Variants in MYPN observed in about 807,000 individuals in gnomAD.
The protein encoded by MYPN is sarcomeric protein myopalladin, 145 kDa (MYOP).
In MYPN, 63 loss-of-function variants were observed where a neutral mutation model predicts 129.4. That is an observed-to-expected ratio of 0.49 (90% CI 0.40 to 0.60). The LOEUF (loss-of-function observed/expected upper bound fraction) is 0.60. MYPN is among the 20% of genes least tolerant of loss of function. The probability of loss-of-function intolerance (pLI) is 0.00; values close to 1 mark genes in which losing one functional copy is unlikely to be tolerated. For synonymous variants in MYPN, 629 were observed against 600.9 expected (o/e 1.05, Z -0.68); for missense variants, 1,596 against 1,635.4 (o/e 0.98, Z 0.42).
At position 68,210,484 on chromosome 10, in the gene MYPN, A is replaced by C. The variant is rs1315473600; in HGVS notation, c.*29A>C. The C allele has an allele frequency of 2.0e-5, 32 of 1,612,934 alleles. No individual in the cohort carries two copies. The highest frequency in any genetic ancestry group is 8.5e-6 in the Non-Finnish European group (10 of 1,179,726). On this transcript the variant is annotated 3_prime_UTR_variant, in exon 20 of 20. Coordinates refer to ENST00000358913, the MANE Select transcript of MYPN (RefSeq NM_032578.4). ...TGTCTAGGTACCTGCTGTGTAAGAGAGCGGACTGTGGAGGGGGAATGAGAA... is the reference window on the plus strand; with the variant it reads ...TGTCTAGGTACCTGCTGTGTAAGAGCGCGGACTGTGGAGGGGGAATGAGAA...
At chr10:68,149,565 C>A (rs960770681) in intron 5 of MYPN, among the ~76,000 whole-genome samples, 3 of 152,118 alleles carry the variant, frequency 2.0e-5, no homozygotes, top group Non-Finnish European at 4.4e-5. Context: ...TCCCAAAGTG[C>A]TAGAATTACA....
At chr10:68,178,248 A>G (rs2043258584) in intron 12 of MYPN, among the ~76,000 whole-genome samples, 1 of 152,198 alleles carries the variant, frequency 6.6e-6, no homozygotes, top group South Asian at 2.1e-4. Flanking sequence ...AACTTACAAC[A>G]AAGTGTCTTT....
In MYPN at chr10:68,174,469, A is replaced by C. The variant is rs2043194430; in HGVS notation, c.2377A>C (p.Thr793Pro). ...EPLPPGPTEP[T>P]PPPFTFSIPS... ...ACTCCCACCAGGCCCAACAGAACCA[A>C]CACCACCACCATTCACATTTTCCAT... is the stretch of plus-strand genomic sequence containing the variant. The change falls in exon 11 of 20, where the codon ACA (threonine) becomes CCA (proline). Residue 793 changes from threonine to proline, a missense_variant. Thr to Pro is a conservative substitution (Grantham distance 38). Coordinates refer to ENST00000358913, the MANE Select transcript of MYPN (RefSeq NM_032578.4). 6.2e-7 allele frequency: 1 copy of C among 1,613,940 alleles called. No homozygotes were observed. Among genetic ancestry groups the C allele is most frequent in the South Asian group, 1.1e-5 (1 of 91,068 alleles).
intron 16 of MYPN, among the ~76,000 whole-genome samples, chr10:68,197,873 A>G (rs2043637946): frequency 1.3e-5 from 2 of 152,248 alleles, no homozygotes; most frequent in Non-Finnish European, 2.9e-5. Context: ...TAACCAAGAC[A>G]GCTACTAAGT....
At chr10:68,143,777 C>T (rs886455193) in intron 3 of MYPN, among the ~76,000 whole-genome samples, 13 of 152,014 alleles carry the variant, frequency 8.6e-5, no homozygotes, top group Non-Finnish European at 1.3e-4. Flanking sequence ...GTTTTTAAGA[C>T]GGAGTCTCAC....
intron 15 of MYPN, 132 bp from the exon 16 acceptor site, chr10:68,197,220 T>C: frequency 1.2e-6 from 1 of 852,876 alleles, no homozygotes; most frequent in Non-Finnish European, 1.8e-6. Context: ...TTGTTTATAG[T>C]CCAGCCTCCC....
At chr10:68,158,272 T>C (rs140022076) in intron 6 of MYPN, 308 of 558,984 alleles carry the variant, frequency 5.5e-4, no homozygotes, top group African/African-American at 5.1e-3. Context: ...GTCAAGGGCA[T>C]AGGAGTAGCC....
intron 10 of MYPN, among the ~76,000 whole-genome samples, chr10:68,167,098 T>C (rs763993394): frequency 6.6e-6 from 1 of 152,138 alleles, no homozygotes; most frequent in Admixed American, 6.5e-5. Flanking sequence ...ACATTAAATG[T>C]TTTGCCAAAT....
intron 12 of MYPN, among the ~76,000 whole-genome samples, chr10:68,188,205 G>C (rs1044429760): frequency 2.0e-5 from 3 of 152,100 alleles, no homozygotes; most frequent in African/African-American, 7.2e-5. Context: ...TGCCTCCTAG[G>C]TTCAAGCAAT....
intron 15 of MYPN, 139 bp downstream of exon 15, chr10:68,195,671 G>C: frequency 1.3e-6 from 1 of 748,574 alleles, no homozygotes; most frequent in Non-Finnish European, 2.4e-6. Context: ...CTGGGCGTTG[G>C]TTGGAAATGC....
chr10:68,209,905 C>G (rs2043880302), intron 19 of MYPN, among the ~76,000 whole-genome samples: 1 of 152,044 alleles, frequency 6.6e-6, no homozygotes, highest in Admixed American at 6.6e-5. Context: ...GTTGGCCAGC[C>G]TGGTCTTGAA....
chr10:68,098,044 CAGACT>C (rs2041964848), intron 1 of MYPN, among the ~76,000 whole-genome samples: 1 of 151,982 alleles, frequency 6.6e-6, no homozygotes, highest in South Asian at 2.1e-4. Context: ...TCAGGAATTC[CAGACT>C]AGCCAGGGCA....
intron 2 of MYPN, among the ~76,000 whole-genome samples, chr10:68,140,941 A>G (rs2134059013): frequency 6.6e-6 from 1 of 152,258 alleles, no homozygotes; most frequent in East Asian, 1.9e-4. Flanking sequence ...GTGTGGCAGC[A>G]CGTGCCTGTG....
chr10:68,178,152 A>G (rs1589591963), intron 12 of MYPN, among the ~76,000 whole-genome samples: 1 of 152,234 alleles, frequency 6.6e-6, no homozygotes. Flanking sequence ...ATTAGCAAGT[A>G]ACATTTGTAG....
rs7079549 is a variant in MYPN at position 68,199,340 on chromosome 10, G to T, written c.3286-28G>T. 1,154,126 of 1,607,730 alleles carry T rather than the reference G, an allele frequency of 0.72. 421,801 individuals carry two copies. Among genetic ancestry groups the T allele is most frequent in the Non-Finnish European group, 0.75 (884,702 of 1,175,386 alleles). Reference sequence around the variant, plus strand: ...AATAAATGTGCCTGTCATCAGTCATGTGCCTCAGCTGTTCTGTTGTTTATT... The same window carrying T: ...AATAAATGTGCCTGTCATCAGTCATTTGCCTCAGCTGTTCTGTTGTTTATT... On this transcript the variant is annotated intron_variant, in intron 16 of 19. Coordinates refer to ENST00000358913, the MANE Select transcript of MYPN (RefSeq NM_032578.4).
At chr10:68,101,355 G>A (rs1411484456), upstream of MYPN, among the ~76,000 whole-genome samples, 1 of 152,198 alleles carries the variant, frequency 6.6e-6, no homozygotes, top group Non-Finnish European at 1.5e-5. Flanking sequence ...TTGTGTAGAA[G>A]AGTGGCAGGT....
intron 2 of MYPN, among the ~76,000 whole-genome samples, chr10:68,140,099 G>C (rs2042552245): frequency 6.6e-6 from 1 of 152,184 alleles, no homozygotes; most frequent in Admixed American, 6.5e-5. Flanking sequence ...TCATGAGAAG[G>C]ACCTATCTTT....
chr10:68,149,861 A>G (rs976275515), intron 5 of MYPN, among the ~76,000 whole-genome samples, 179 bp from the exon 6 acceptor site: 1 of 152,172 alleles, frequency 6.6e-6, no homozygotes, highest in East Asian at 1.9e-4. Flanking sequence ...ACCATGACCT[A>G]GAGAGAAATA....
At position 68,121,532 on chromosome 10, in the gene MYPN, A is replaced by G. The variant is rs1220705857; in HGVS notation, c.94A>G (p.Arg32Gly). ...AACCAGACATCGGGGAAACAATGAG[A>G]GGAGTCGAGCGGAGCCCTCCTCCAA... ...AETRHRGNNE[R>G]SRAEPSSNPC... Residue 32 changes from arginine to glycine, a missense_variant, in exon 2 of 20, where the codon AGG becomes GGG. By Grantham distance (125) the Arg-to-Gly change is moderately radical (BLOSUM62 -2). Coordinates refer to ENST00000358913, the MANE Select transcript of MYPN (RefSeq NM_032578.4). 1 of 1,614,208 alleles carries G rather than the reference A, an allele frequency of 6.2e-7. No homozygotes were observed. Among genetic ancestry groups the G allele is most frequent in the Non-Finnish European group, 8.5e-7 (1 of 1,180,036 alleles).
Sources: gnomAD v4.1 joint callset for allele counts (sites outside exome capture counted in the v4.1 genomes callset) on GRCh38, gnomAD v4.1.1 for gene constraint, MANE v1.5 for transcripts, NCBI Gene and HGNC (gene_info 2026-07-23, HGNC 2026-07-21) for gene names.